The following GRM3 variants were observed in gnomAD, a reference collection of about 807,000 sequenced individuals.
The protein encoded by GRM3 is metabotropic glutamate receptor 3.
Under a neutral mutation model 70.5 loss-of-function variants are expected in GRM3, and 26 were observed. The observed-to-expected ratio is 0.37, with a 90% CI of 0.27 to 0.51. GRM3 has a LOEUF of 0.51. GRM3 is among the 20% of genes least tolerant of loss of function. GRM3 has a pLI of 0.93. For missense variants in GRM3, 859 were observed against 1,123.8 expected (o/e 0.76, Z 3.37); for synonymous variants, 443 against 434.9 (o/e 1.02, Z -0.23).
At chr7:86,848,374 G>A (rs1473411895) in intron 4 of GRM3, among the ~76,000 whole-genome samples, 5 of 152,094 alleles carry the variant, frequency 3.3e-5, no homozygotes, top group Non-Finnish European at 7.4e-5. Context: ...GAGTAATAAG[G>A]AAGCAGTTGG....
chr7:86,844,125 A>C (rs1239675186), intron 4 of GRM3, among the ~76,000 whole-genome samples: 1 of 152,198 alleles, frequency 6.6e-6, no homozygotes, highest in Non-Finnish European at 1.5e-5. Context: ...TGACTCTAGA[A>C]TTTTGACAAG....
chr7:86,848,706 A>G (rs542101315), intron 4 of GRM3, among the ~76,000 whole-genome samples: 4 of 152,222 alleles, frequency 2.6e-5, no homozygotes, highest in African/African-American at 9.6e-5. Flanking sequence ...TTGTCCATGC[A>G]TACCATTCAC....
chr7:86,775,466 G>A (rs1052296314), intron 2 of GRM3, among the ~76,000 whole-genome samples: 2 of 151,906 alleles, frequency 1.3e-5, no homozygotes, highest in African/African-American at 2.4e-5. Flanking sequence ...AGTCAGAATG[G>A]GTAGTTTGTT....
chr7:86,668,219 G>T (rs945383137), intron 1 of GRM3, among the ~76,000 whole-genome samples: 1 of 151,832 alleles, frequency 6.6e-6, no homozygotes, highest in Non-Finnish European at 1.5e-5. Flanking sequence ...TTAGCCTGCC[G>T]TGCTTCCTTA....
At chr7:86,701,878 T>C (rs1794953095) in intron 1 of GRM3, among the ~76,000 whole-genome samples, 1 of 151,886 alleles carries the variant, frequency 6.6e-6, no homozygotes, top group Non-Finnish European at 1.5e-5. Flanking sequence ...ATGCATATGA[T>C]TGTCACATCA....
At chr7:86,797,758 G>C (rs1419418944) in intron 3 of GRM3, among the ~76,000 whole-genome samples, 1 of 152,136 alleles carries the variant, frequency 6.6e-6, no homozygotes, top group Non-Finnish European at 1.5e-5. Flanking sequence ...ACATGTCAGA[G>C]ACCTTCACAG....
At chr7:86,782,883 A>G (rs772388362) in intron 2 of GRM3, among the ~76,000 whole-genome samples, 2 of 152,196 alleles carry the variant, frequency 1.3e-5, no homozygotes, top group Non-Finnish European at 2.9e-5. Flanking sequence ...TTTCCAAAGC[A>G]TATATAACTA....
In GRM3 at chr7:86,838,872, T is replaced by C. The variant is rs763641866; in HGVS notation, c.1358T>C (p.Ile453Thr). 8 of 1,612,006 alleles carry C rather than the reference T, an allele frequency of 5.0e-6. No homozygotes were observed. The East Asian group carries it at 6.7e-5, about 13-fold the overall frequency. The change falls in exon 4 of 6, where the codon ATA becomes ACA. Residue 453 changes from isoleucine to threonine, a missense_variant. Physicochemically the swap from Ile to Thr is moderately conservative, Grantham distance 89 (BLOSUM62 -1). Transcript: ENST00000361669. Reference sequence around the variant, plus strand: ...AACCCAAATAAAGATGCAGATAGCATAGTCAAGTTTGACACTTTTGGAGAT... The same window carrying C: ...AACCCAAATAAAGATGCAGATAGCACAGTCAAGTTTGACACTTTTGGAGAT... ...PFNPNKDADS[I>T]VKFDTFGDGM...
intron 3 of GRM3, among the ~76,000 whole-genome samples, chr7:86,822,068 C>T (rs1798132353): frequency 6.6e-6 from 1 of 151,924 alleles, no homozygotes; most frequent in Non-Finnish European, 1.5e-5. Flanking sequence ...CTGATTGTGC[C>T]TATGTTGAAT....
At chr7:86,767,971 C>A (rs903253825) in intron 2 of GRM3, among the ~76,000 whole-genome samples, 2 of 151,960 alleles carry the variant, frequency 1.3e-5, no homozygotes, top group South Asian at 2.1e-4. Context: ...AGGTTTTTTT[C>A]ATTTATCTGG....
In GRM3 at chr7:86,694,257, G is replaced by A. The variant is rs541287032; in HGVS notation, c.-141+49385G>A. 8.5e-5 allele frequency among the ~76,000 whole-genome samples: 13 copies of A among 152,212 alleles called. No homozygotes were observed. The South Asian group carries it at 2.3e-3, about 27-fold the overall frequency. On this transcript the variant is annotated intron_variant, in intron 1 of 5. Transcript: ENST00000361669. ...ATCAAAGAGAAAGGCCGGGCGTGGT[G>A]GCTCACGCCTGTAATTCCAGCACTT...
At chr7:86,787,205 A>G (rs1797274840) in intron 3 of GRM3, 89 bp downstream of exon 3, 2 of 1,095,302 alleles carry the variant, frequency 1.8e-6, no homozygotes, top group African/African-American at 3.1e-5. Context: ...TTCAGAAATA[A>G]TTATTTCAAA....
chr7:86,782,798 A>G (rs944295008), intron 2 of GRM3, among the ~76,000 whole-genome samples: 1 of 152,154 alleles, frequency 6.6e-6, no homozygotes, highest in African/African-American at 2.4e-5. Context: ...TATTGTATGA[A>G]TTATTTTTAT....
At chr7:86,677,032 G>A (rs1178638802) in intron 1 of GRM3, among the ~76,000 whole-genome samples, 2 of 152,036 alleles carry the variant, frequency 1.3e-5, no homozygotes, top group East Asian at 1.9e-4. Flanking sequence ...TCTTAACTGA[G>A]GCATATCATG....
At chr7:86,771,492 A>T (rs17160966) in intron 2 of GRM3, among the ~76,000 whole-genome samples, 3,649 of 152,186 alleles carry the variant, frequency 0.024, 128 homozygotes, top group African/African-American at 0.084. Context: ...CATTTTTATC[A>T]GAAAATAAGC....
At chr7:86,768,045 C>T (rs961132581) in intron 2 of GRM3, among the ~76,000 whole-genome samples, 31 of 151,974 alleles carry the variant, frequency 2.0e-4, no homozygotes, top group Non-Finnish European at 3.1e-4. Flanking sequence ...AAATAAAAGA[C>T]CCAAAACTAT....
chr7:86,831,311 C>CT (rs923905824), intron 3 of GRM3, among the ~76,000 whole-genome samples: 16 of 151,894 alleles, frequency 1.1e-4, no homozygotes, highest in Admixed American at 2.6e-4. Context: ...TTTCAAAATG[C>CT]TTTTTTTTGT....
chr7:86,798,338 GT>G (rs1797605321), intron 3 of GRM3, among the ~76,000 whole-genome samples: 1 of 152,192 alleles, frequency 6.6e-6, no homozygotes, highest in East Asian at 1.9e-4. Context: ...AGCCAGAGGG[GT>G]GGAGCTGCCC....
chr7:86,853,381 G>C (rs1381369583), intron 5 of GRM3, among the ~76,000 whole-genome samples: 1 of 152,142 alleles, frequency 6.6e-6, no homozygotes, highest in Non-Finnish European at 1.5e-5. Flanking sequence ...ACCCACTTTG[G>C]TAGAATTGAA....
Sources: gnomAD v4.1 joint callset for allele counts (sites outside exome capture counted in the v4.1 genomes callset) on GRCh38, gnomAD v4.1.1 for gene constraint, MANE v1.5 for transcripts, NCBI Gene and HGNC (gene_info 2026-07-23, HGNC 2026-07-21) for gene names.